Variants in TAFA1 observed in about 807,000 individuals in gnomAD.
The protein encoded by TAFA1 is chemokine-like protein TAFA-1.
A neutral mutation model predicts 18.5 loss-of-function variants in TAFA1; 4 were observed. The observed-to-expected ratio is 0.22, with a 90% CI of 0.11 to 0.49. TAFA1 has a LOEUF of 0.49. Ranked by LOEUF, TAFA1 falls within the 20% of genes least tolerant of loss-of-function variation. The pLI is 0.98. For missense variants in TAFA1, 147 were observed against 169.0 expected (o/e 0.87, Z 0.72); for synonymous variants, 56 against 55.2 (o/e 1.01, Z -0.06).
Position 68,540,597 on chromosome 3 carries a change from T to C in TAFA1, c.384+1717T>C, listed in dbSNP as rs2073356308. Among the ~76,000 whole-genome samples, 2 of 152,230 alleles carry C rather than the reference T, an allele frequency of 1.3e-5. 1 individual carries two copies. Among genetic ancestry groups the C allele is most frequent in the South Asian group, 4.1e-4 (2 of 4,832 alleles). On this transcript the variant is annotated intron_variant, in intron 4 of 4. Coordinates refer to ENST00000478136, the MANE Select transcript of TAFA1 (RefSeq NM_213609.4). Reference sequence around the variant, plus strand: ...TTGTTTTAAACACATTGCTGATATATTTCCTGCCAAATCTCTTTTCTCTAT... The same window carrying C: ...TTGTTTTAAACACATTGCTGATATACTTCCTGCCAAATCTCTTTTCTCTAT...
At chr3:68,371,263 G>A (rs2069701415) in intron 2 of TAFA1, among the ~76,000 whole-genome samples, 1 of 151,922 alleles carries the variant, frequency 6.6e-6, no homozygotes, top group Non-Finnish European at 1.5e-5. Context: ...AGAACGTGAA[G>A]GTTTGTTACA....
intron 2 of TAFA1, among the ~76,000 whole-genome samples, chr3:68,150,368 A>G (rs2065790953): frequency 6.6e-6 from 1 of 152,244 alleles, no homozygotes; most frequent in African/African-American, 2.4e-5. Context: ...TCCTTGAAGA[A>G]CATGCTCAAA....
intron 2 of TAFA1, among the ~76,000 whole-genome samples, chr3:68,074,476 A>G (rs1395280136): frequency 6.6e-6 from 1 of 152,218 alleles, no homozygotes; most frequent in Admixed American, 6.5e-5. Flanking sequence ...GACCTTGGGC[A>G]AATATTAAAC....
At chr3:67,991,590 T>C in the TAFA1 span, among the ~76,000 whole-genome samples, 1 of 152,222 alleles carries the variant, frequency 6.6e-6, no homozygotes, top group African/African-American at 2.4e-5. Flanking sequence ...CTCCTGGCCC[T>C]GGACATCAGA....
the TAFA1 span, among the ~76,000 whole-genome samples, chr3:67,995,585 TACC>T: frequency 6.6e-6 from 1 of 152,180 alleles, no homozygotes. Context: ...CTCCCAGAGA[TACC>T]ACATGTTCTC....
At chr3:68,414,596 T>C (rs555464398) in intron 2 of TAFA1, among the ~76,000 whole-genome samples, 100 of 152,278 alleles carry the variant, frequency 6.6e-4, no homozygotes, top group African/African-American at 2.2e-3. Context: ...TGCTGGAATG[T>C]GTATAATTAA....
In TAFA1 at chr3:68,138,993, C is replaced by T. The variant is rs534313529; in HGVS notation, c.118+132249C>T. Among the ~76,000 whole-genome samples, 5 of 152,272 alleles carry T rather than the reference C, an allele frequency of 3.3e-5. 1 individual carries two copies. The South Asian group carries it at 1.0e-3, about 32-fold the overall frequency. The stretch of plus-strand genomic sequence containing the variant: ...GAATGAACCAGCATATCGACAGTTC[C>T]TCTGCTTTGTTAATTACTGCCCTTG... On this transcript the variant is annotated intron_variant, in intron 2 of 4. Transcript: ENST00000478136.
chr3:68,375,861 A>C (rs2069801702), intron 2 of TAFA1, among the ~76,000 whole-genome samples: 1 of 152,220 alleles, frequency 6.6e-6, no homozygotes, highest in Non-Finnish European at 1.5e-5. Flanking sequence ...TGGAGGGGAA[A>C]GAAAACCTCT....
intron 2 of TAFA1, among the ~76,000 whole-genome samples, chr3:68,014,515 T>C (rs1704533294): frequency 6.6e-6 from 1 of 152,146 alleles, no homozygotes; most frequent in Non-Finnish European, 1.5e-5. Context: ...GTTGTCAAAT[T>C]GCAAAGCTCC....
intron 2 of TAFA1, among the ~76,000 whole-genome samples, chr3:68,017,340 G>A (rs6800897): frequency 0.66 from 100,115 of 152,118 alleles, 33,118 homozygotes; most frequent in South Asian, 0.78. Context: ...TTGCTTGCAG[G>A]ATTGTTTAGA....
intron 2 of TAFA1, among the ~76,000 whole-genome samples, chr3:68,108,466 G>GTGTGTGTGTGTGCA (rs2065229039): frequency 9.6e-5 from 1 of 10,378 alleles, no homozygotes; most frequent in Admixed American, 1.5e-3. Flanking sequence ...GTGTGTGCAT[G>GTGTGTGTGTGTGCA]TGTGTGTGTG....
intron 3 of TAFA1, among the ~76,000 whole-genome samples, chr3:68,538,363 A>T (rs973456107): frequency 6.6e-6 from 1 of 152,028 alleles, no homozygotes; most frequent in Non-Finnish European, 1.5e-5. Context: ...TACTTTTGGG[A>T]AGGGTTATTA....
At chr3:68,086,662 T>C (rs2064974208) in intron 2 of TAFA1, among the ~76,000 whole-genome samples, 5 of 152,186 alleles carry the variant, frequency 3.3e-5, no homozygotes, top group Admixed American at 3.3e-4. Context: ...GAAGATGAAA[T>C]ACCAAAACTT....
At chr3:68,033,736 G>C (rs1385622799) in intron 2 of TAFA1, among the ~76,000 whole-genome samples, 1 of 152,082 alleles carries the variant, frequency 6.6e-6, no homozygotes, top group East Asian at 1.9e-4. Flanking sequence ...GTAGGAAGAG[G>C]AACTGGAATA....
chr3:68,451,021 AAAGTTTC>A (rs2071559536), intron 3 of TAFA1, among the ~76,000 whole-genome samples: 1 of 152,226 alleles, frequency 6.6e-6, no homozygotes, highest in Non-Finnish European at 1.5e-5. Flanking sequence ...TGATGGAATT[AAAGTTTC>A]AAATTCAGGC....
chr3:68,463,930 G>C (rs1193217463), intron 3 of TAFA1, among the ~76,000 whole-genome samples: 1 of 152,128 alleles, frequency 6.6e-6, no homozygotes, highest in Non-Finnish European at 1.5e-5. Context: ...AATTCAGTGA[G>C]CTACATGGAT....
intron 2 of TAFA1, among the ~76,000 whole-genome samples, chr3:68,225,581 C>T (rs949600924): frequency 6.6e-6 from 1 of 152,098 alleles, no homozygotes; most frequent in Non-Finnish European, 1.5e-5. Context: ...ATATGTATTT[C>T]CTGAGCACTT....
At chr3:68,215,406 T>C (rs533159683) in intron 2 of TAFA1, among the ~76,000 whole-genome samples, 1 of 152,110 alleles carries the variant, frequency 6.6e-6, no homozygotes, top group African/African-American at 2.4e-5. Context: ...TTCTGAAAAA[T>C]GGAAGGTTAG....
At chr3:68,489,220 T>C (rs2072407181) in intron 3 of TAFA1, among the ~76,000 whole-genome samples, 1 of 152,138 alleles carries the variant, frequency 6.6e-6, no homozygotes, top group African/African-American at 2.4e-5. Flanking sequence ...CCTAGGAAGG[T>C]AAATGTAATG....
Sources: allele counts gnomAD v4.1 joint callset (sites outside exome capture counted in the v4.1 genomes callset), GRCh38; gene constraint gnomAD v4.1.1; transcripts MANE v1.5; gene names NCBI Gene and HGNC (gene_info 2026-07-23, HGNC 2026-07-21).